The following HTR2C variants were observed in gnomAD, a reference collection of about 807,000 sequenced individuals.
HTR2C encodes 5-hydroxytryptamine receptor 2C.
In HTR2C, 5 loss-of-function variants were observed where a neutral mutation model predicts 21.0. That is an observed-to-expected ratio of 0.24 (90% CI 0.12 to 0.50). The LOEUF is 0.50. HTR2C is among the 20% of genes least tolerant of loss of function. The pLI, the probability that HTR2C is intolerant of heterozygous loss-of-function variation, is 0.98. For missense variants in HTR2C, 271 were observed against 371.2 expected (o/e 0.73, Z 2.22); for synonymous variants, 150 against 145.3 (o/e 1.03, Z -0.23).
intron 2 of HTR2C, among the ~76,000 whole-genome samples, chrX:114,620,627 C>A (rs782783069): frequency 5.4e-5 from 6 of 111,240 alleles, no homozygotes; most frequent in Non-Finnish European, 1.1e-4. Flanking sequence ...AGTTCATATA[C>A]TTTCCTGGCT....
Position 114,833,808 on chromosome X carries a change from G to T in HTR2C, c.350-14195G>T, listed in dbSNP as rs782489995. Among the ~76,000 whole-genome samples, 22 of 110,388 alleles carry T rather than the reference G, an allele frequency of 2.0e-4. No individual in the cohort carries two copies. In the Admixed American group the frequency reaches 2.1e-3, roughly 11 times the overall value. On this transcript the variant is annotated intron_variant, in intron 4 of 5. Coordinates refer to ENST00000276198, the MANE Select transcript of HTR2C (RefSeq NM_000868.4). ...TTGTGATGTTAGGGTGTCAATTTTG[G>T]ATCTTTCCTGCTTTCTCTTGTGGGC...
At chrX:114,814,943 C>A (rs1463320577) in intron 4 of HTR2C, among the ~76,000 whole-genome samples, 3 of 99,240 alleles carry the variant, frequency 3.0e-5, no homozygotes, top group Non-Finnish European at 6.0e-5. Context: ...ATCATATATA[C>A]TATATTATAT....
At chrX:114,633,573 C>T (rs11797955) in intron 2 of HTR2C, among the ~76,000 whole-genome samples, 14,091 of 110,721 alleles carry the variant, frequency 0.13, 768 homozygotes, top group South Asian at 0.31. Flanking sequence ...ATCATTAAAC[C>T]TCTAATTTAG....
At chrX:114,720,535 CTTTAAG>C (rs1264670505) in intron 2 of HTR2C, among the ~76,000 whole-genome samples, 1 of 99,520 alleles carries the variant, frequency 1.0e-5, no homozygotes, top group Non-Finnish European at 2.0e-5. Context: ...TTTAATTATA[CTTTAAG>C]TTTTAGGGTA....
intron 4 of HTR2C, among the ~76,000 whole-genome samples, chrX:114,788,809 G>C (rs958716718): frequency 9.1e-6 from 1 of 109,760 alleles, no homozygotes; most frequent in Non-Finnish European, 1.9e-5. Context: ...CCACCATGCC[G>C]AGCTAATTTT....
At chrX:114,840,543 T>A (rs897786196) in intron 4 of HTR2C, among the ~76,000 whole-genome samples, 10 of 110,975 alleles carry the variant, frequency 9.0e-5, no homozygotes, top group African/African-American at 1.6e-4. Context: ...CAATATCAAA[T>A]GCTCTAACAT....
intron 2 of HTR2C, among the ~76,000 whole-genome samples, chrX:114,689,292 A>G (rs1050625543): frequency 9.8e-6 from 1 of 102,318 alleles, no homozygotes; most frequent in Non-Finnish European, 2.0e-5. Context: ...TATTTTTGCA[A>G]TTGCAAATTG....
chrX:114,726,491 T>C (rs921968003), intron 2 of HTR2C, among the ~76,000 whole-genome samples: 26 of 112,726 alleles, frequency 2.3e-4, no homozygotes, highest in African/African-American at 5.8e-4. Flanking sequence ...TCGCTCACGC[T>C]GGGAGCTGTA....
intron 5 of HTR2C, among the ~76,000 whole-genome samples, chrX:114,862,778 C>T (rs1189900250): frequency 1.8e-5 from 2 of 111,078 alleles, no homozygotes; most frequent in African/African-American, 6.5e-5. Context: ...CAATTCTTCT[C>T]ATCTAGCTAT....
intron 4 of HTR2C, among the ~76,000 whole-genome samples, chrX:114,830,944 G>A (rs1480964294): frequency 1.3e-5 from 1 of 77,955 alleles, no homozygotes; most frequent in African/African-American, 4.3e-5. Context: ...GAGAATATGC[G>A]GTGTTTGGTT....
At chrX:114,742,214 A>G (rs1188480120) in intron 4 of HTR2C, among the ~76,000 whole-genome samples, 2 of 111,849 alleles carry the variant, frequency 1.8e-5, no homozygotes, top group African/African-American at 6.5e-5. Flanking sequence ...AACCCCATAG[A>G]GTAGACAGCT....
chrX:114,664,681 A>ATG (rs1361427530), intron 2 of HTR2C, among the ~76,000 whole-genome samples: 2 of 111,619 alleles, frequency 1.8e-5, no homozygotes, highest in African/African-American at 6.5e-5. Flanking sequence ...CAGCAGACAT[A>ATG]TGTGTGCATG....
chrX:114,668,545 A>G (rs373993835), intron 2 of HTR2C, among the ~76,000 whole-genome samples: 1 of 111,690 alleles, frequency 9.0e-6, no homozygotes, highest in East Asian at 2.8e-4. Context: ...TAAATTCAAG[A>G]TAAGTGGGTG....
intron 2 of HTR2C, among the ~76,000 whole-genome samples, chrX:114,648,463 C>T (rs1024444990): frequency 8.9e-5 from 10 of 111,845 alleles, no homozygotes; most frequent in Admixed American, 2.8e-4. Flanking sequence ...CACCGTGACT[C>T]ACCTCTGTAA....
intron 4 of HTR2C, among the ~76,000 whole-genome samples, chrX:114,789,594 C>T (rs782632190): frequency 9.0e-6 from 1 of 110,731 alleles, no homozygotes; most frequent in African/African-American, 3.3e-5. Context: ...AAAATGTTAA[C>T]GACCTCTGAA....
rs201868899 is a variant in HTR2C, at chrX:114,757,447, AAAAC to A, written c.349+25852_349+25855del. ...TGAAACAAACAAACAAAAACAAAAC[AAAAC>A]AAACAAACAAAAACAGGAGAACTCC... On this transcript the variant is annotated intron_variant, in intron 4 of 5. Coordinates refer to ENST00000276198, the MANE Select transcript of HTR2C (RefSeq NM_000868.4). Among the ~76,000 whole-genome samples, 417 of 111,944 alleles carry A rather than the reference AAAAC, an allele frequency of 3.7e-3. 5 individuals carry two copies. The highest frequency in any genetic ancestry group is 0.013 in the African/African-American group (400 of 30,838).
chrX:114,827,791 T>C (rs1329268120), intron 4 of HTR2C, among the ~76,000 whole-genome samples: 1 of 111,586 alleles, frequency 9.0e-6, no homozygotes, highest in Non-Finnish European at 1.9e-5. Context: ...CTCCTTTCTT[T>C]CAGGCTTTTA....
chrX:114,690,848 G>GA (rs1932086208), intron 2 of HTR2C, among the ~76,000 whole-genome samples: 2 of 111,260 alleles, frequency 1.8e-5, no homozygotes, highest in African/African-American at 6.5e-5. Context: ...TCGTGTCATG[G>GA]AAAACATATG....
At chrX:114,746,972 G>T (rs1005533811) in intron 4 of HTR2C, among the ~76,000 whole-genome samples, 1 of 110,383 alleles carries the variant, frequency 9.1e-6, no homozygotes, top group Non-Finnish European at 1.9e-5. Flanking sequence ...GCGACAGAGC[G>T]AGACTCCGTC....
Sources: gnomAD v4.1 joint callset for allele counts (sites outside exome capture counted in the v4.1 genomes callset) on GRCh38, gnomAD v4.1.1 for gene constraint, MANE v1.5 for transcripts, NCBI Gene and HGNC (gene_info 2026-07-23, HGNC 2026-07-21) for gene names.